Variants in SNTG1 observed in about 807,000 individuals in gnomAD.
SNTG1 encodes syntrophin gamma 1, also known as gamma-1-syntrophin.
Under a neutral mutation model 74.7 loss-of-function variants are expected in SNTG1, and 39 were observed. That is an observed-to-expected ratio of 0.52 (90% CI 0.40 to 0.68). SNTG1 has a LOEUF of 0.68. SNTG1 is among the 30% of genes least tolerant of loss of function. The pLI is 0.00. For synonymous variants in SNTG1, 254 were observed against 217.1 expected (o/e 1.17, Z -1.49); for missense variants, 685 against 609.5 (o/e 1.12, Z -1.30).
At chr8:50,309,314 T>A (rs1319460441) in intron 2 of SNTG1, among the ~76,000 whole-genome samples, 1 of 152,026 alleles carries the variant, frequency 6.6e-6, no homozygotes, top group Non-Finnish European at 1.5e-5. Context: ...CTCAGGTTTT[T>A]GAGTTCCTAA....
At chr8:50,542,665 C>T (rs1267435433) in intron 11 of SNTG1, among the ~76,000 whole-genome samples, 2 of 152,130 alleles carry the variant, frequency 1.3e-5, no homozygotes, top group Non-Finnish European at 2.9e-5. Context: ...GAGAACCCTC[C>T]AAACTGTTCT....
intron 2 of SNTG1, among the ~76,000 whole-genome samples, chr8:50,258,310 G>A (rs1177547972): frequency 6.6e-6 from 1 of 152,074 alleles, no homozygotes; most frequent in Non-Finnish European, 1.5e-5. Flanking sequence ...TAATTTTTCT[G>A]AAATATGCTA....
intron 2 of SNTG1, among the ~76,000 whole-genome samples, chr8:50,206,772 T>G (rs531712550): frequency 6.6e-6 from 1 of 151,840 alleles, no homozygotes; most frequent in Non-Finnish European, 1.5e-5. Flanking sequence ...GTTTTTAGCA[T>G]GAAGGGTTGT....
intron 1 of SNTG1, among the ~76,000 whole-genome samples, chr8:50,108,999 T>G (rs934414778): frequency 2.0e-5 from 3 of 152,130 alleles, no homozygotes; most frequent in Non-Finnish European, 4.4e-5. Context: ...GAAGCATAAT[T>G]GACTTAAGGA....
At chr8:50,310,365 A>G (rs2090061889) in intron 2 of SNTG1, among the ~76,000 whole-genome samples, 1 of 152,240 alleles carries the variant, frequency 6.6e-6, no homozygotes, top group Non-Finnish European at 1.5e-5. Flanking sequence ...TAGAATTTCA[A>G]GAAGCTTAAA....
At chr8:50,138,540 G>A (rs1044538927) in intron 1 of SNTG1, among the ~76,000 whole-genome samples, 3 of 151,548 alleles carry the variant, frequency 2.0e-5, no homozygotes, top group African/African-American at 7.3e-5. Context: ...CAGGAGAATT[G>A]CTTGAACCTG....
intron 2 of SNTG1, among the ~76,000 whole-genome samples, chr8:50,189,269 G>A (rs966571669): frequency 1.3e-5 from 2 of 152,056 alleles, no homozygotes; most frequent in African/African-American, 2.4e-5. Context: ...GTTATCCTAT[G>A]TCATTGTTTA....
chr8:49,936,426 G>A (rs1380557193), intron 1 of SNTG1, among the ~76,000 whole-genome samples: 1 of 151,998 alleles, frequency 6.6e-6, no homozygotes, highest in Non-Finnish European at 1.5e-5. Flanking sequence ...AAATTTTAGA[G>A]AATTATGGTG....
chr8:49,992,189 A>G (rs989960684), intron 1 of SNTG1, among the ~76,000 whole-genome samples: 1 of 152,186 alleles, frequency 6.6e-6, no homozygotes, highest in African/African-American at 2.4e-5. Context: ...ACATTATTGT[A>G]TTGTAATAGT....
chr8:50,464,045 C>A (rs1006510671), intron 8 of SNTG1, among the ~76,000 whole-genome samples: 17 of 152,182 alleles, frequency 1.1e-4, no homozygotes, highest in Non-Finnish European at 2.4e-4. Flanking sequence ...TAGCTTCCAA[C>A]TTTTCTTCTT....
chr8:50,341,409 C>T (rs1016618174), intron 2 of SNTG1, among the ~76,000 whole-genome samples: 4 of 151,784 alleles, frequency 2.6e-5, no homozygotes, highest in Admixed American at 2.6e-4. Context: ...TGAATATTTG[C>T]TACAGTCATT....
intron 1 of SNTG1, among the ~76,000 whole-genome samples, chr8:50,129,995 A>G (rs1168992806): frequency 6.6e-6 from 1 of 152,130 alleles, no homozygotes; most frequent in South Asian, 2.1e-4. Context: ...TTAAGGACAT[A>G]AAATTCAAGT....
At chr8:50,404,838 C>T (rs1563341545) in intron 4 of SNTG1, among the ~76,000 whole-genome samples, 1 of 152,050 alleles carries the variant, frequency 6.6e-6, no homozygotes. Flanking sequence ...CCCTGGTAAC[C>T]ACTGTTCTAC....
intron 1 of SNTG1, among the ~76,000 whole-genome samples, chr8:49,945,622 G>T (rs1004755177): frequency 3.3e-5 from 5 of 152,100 alleles, no homozygotes; most frequent in Non-Finnish European, 7.3e-5. Flanking sequence ...CTGCAGATTC[G>T]CTGGGTTCAT....
intron 2 of SNTG1, among the ~76,000 whole-genome samples, chr8:50,317,466 G>A (rs1232750123): frequency 6.6e-6 from 1 of 152,220 alleles, no homozygotes; most frequent in Non-Finnish European, 1.5e-5. Flanking sequence ...AAGACTCTAA[G>A]TGGAAAAGTA....
chr8:50,692,709 G>T (rs1036823686), intron 15 of SNTG1, among the ~76,000 whole-genome samples: 1 of 152,190 alleles, frequency 6.6e-6, no homozygotes, highest in Admixed American at 6.5e-5. Flanking sequence ...GGACCCACTT[G>T]AGGAGGCAGT....
intron 3 of SNTG1, among the ~76,000 whole-genome samples, chr8:50,401,057 T>C (rs1443474234): frequency 6.6e-6 from 1 of 152,156 alleles, no homozygotes; most frequent in Non-Finnish European, 1.5e-5. Flanking sequence ...CCTCACATTG[T>C]TTGCCATGAA....
chr8:50,525,865 G>A (rs893839563), intron 9 of SNTG1, among the ~76,000 whole-genome samples: 2 of 150,100 alleles, frequency 1.3e-5, no homozygotes, highest in African/African-American at 4.9e-5. Context: ...GGTTTTCGGT[G>A]GTTTATTTTG....
intron 5 of SNTG1, among the ~76,000 whole-genome samples, chr8:50,447,258 G>T (rs1195068761): frequency 6.6e-6 from 1 of 152,072 alleles, no homozygotes; most frequent in Admixed American, 6.6e-5. Flanking sequence ...AATAGTCTAT[G>T]CATTTAAAAA....
Sources: allele counts gnomAD v4.1 joint callset (sites outside exome capture counted in the v4.1 genomes callset), GRCh38; gene constraint gnomAD v4.1.1; transcripts MANE v1.5; gene names NCBI Gene and HGNC (gene_info 2026-07-23, HGNC 2026-07-21).